Variants in FBN2 observed in about 807,000 individuals in gnomAD.
FBN2 encodes the protein fibrillin-2.
Under a neutral mutation model 355.6 loss-of-function variants are expected in FBN2, and 105 were observed. That is an observed-to-expected ratio of 0.30 (90% CI 0.25 to 0.35). FBN2 has a LOEUF of 0.35. FBN2 is among the 10% of genes least tolerant of loss of function. The pLI is 1.00. For missense variants in FBN2, 3,280 were observed against 3,758.7 expected (o/e 0.87, Z 3.33); for synonymous variants, 1,350 against 1,301.2 (o/e 1.04, Z -0.81).
chr5:128,299,501 C>G (rs918718845), intron 48 of FBN2, among the ~76,000 whole-genome samples: 2 of 151,382 alleles, frequency 1.3e-5, no homozygotes, highest in African/African-American at 4.9e-5. Context: ...CCCTCCGAGC[C>G]ATGTGCGGGA....
At chr5:128,295,097 T>A (rs1186766538) in intron 48 of FBN2, among the ~76,000 whole-genome samples, 6 of 149,732 alleles carry the variant, frequency 4.0e-5, no homozygotes, top group African/African-American at 9.8e-5. Context: ...TAGGGAATCC[T>A]TTCCCCATTG....
chr5:128,433,449 CAG>C (rs1044440815), intron 7 of FBN2, among the ~76,000 whole-genome samples: 6 of 152,088 alleles, frequency 3.9e-5, no homozygotes, highest in Admixed American at 2.0e-4. Context: ...ATCCTTAAAA[CAG>C]GTAAGAACAA....
intron 32 of FBN2, 43 bp from the exon 33 acceptor site, chr5:128,330,738 T>C: frequency 6.2e-7 from 1 of 1,607,140 alleles, no homozygotes; most frequent in Non-Finnish European, 8.5e-7. Context: ...AAATGGAACA[T>C]TTAAGCACCT....
chr5:128,381,971 T>C (rs1157522100), intron 11 of FBN2, among the ~76,000 whole-genome samples: 1 of 152,076 alleles, frequency 6.6e-6, no homozygotes, highest in African/African-American at 2.4e-5. Context: ...TCTTTTATAA[T>C]CATAGTGGAC....
intron 54 of FBN2, among the ~76,000 whole-genome samples, 188 bp downstream of exon 54, chr5:128,287,120 G>A (rs769339079): frequency 4.6e-5 from 7 of 152,166 alleles, no homozygotes; most frequent in Middle Eastern, 3.4e-3. Context: ...ATCTTATCTC[G>A]GACTTGATTT....
At chr5:128,370,126 C>G (rs1751892518) in intron 15 of FBN2, among the ~76,000 whole-genome samples, 2 of 152,038 alleles carry the variant, frequency 1.3e-5, no homozygotes, top group Non-Finnish European at 2.9e-5. Context: ...TAATGCTATA[C>G]CCCAAAGAAG....
chr5:128,537,210 TG>T lies in FBN2; in HGVS notation c.254+139del, dbSNP rs1581379904. 14 of 1,410,742 alleles carry T rather than the reference TG, an allele frequency of 9.9e-6. No homozygotes were observed. In the East Asian group the frequency reaches 3.5e-4, roughly 35 times the overall value. The allele number at this position is 1,410,742 out of a possible 1,614,324, so 87.4% of individuals were successfully genotyped here. Reference sequence around the variant, plus strand: ...AGGGGGACGCGCTCCTGGGGGTCTTTGGATATTCTGGCAAAGGGGGCTGCAG... The same window carrying T: ...AGGGGGACGCGCTCCTGGGGGTCTTTGATATTCTGGCAAAGGGGGCTGCAG... On this transcript the variant is annotated intron_variant, in intron 1 of 64. Transcript: ENST00000262464.
chr5:128,335,265 A>G lies in FBN2; in HGVS notation c.3878T>C (p.Ile1293Thr), dbSNP rs1750804361. The G allele has an allele frequency of 1.2e-6, 2 of 1,614,148 alleles. No homozygotes were observed. Among genetic ancestry groups the G allele is most frequent in the East Asian group, 2.2e-5 (1 of 44,878 alleles). The stretch of plus-strand genomic sequence containing the variant: ...GTTGGTACACTGGCCGCCATCACAG[A>G]TATCAGGATTGTTTTCACATTCATC... ...DIDECENNPD[I>T]CDGGQCTNIP... The change falls in exon 30 of 65, where the codon ATC becomes ACC. Residue 1293 changes from isoleucine (I) to threonine (T), a missense_variant. This residue lies in a region of FBN2 where 2,284 missense variants were observed against 2,749.5 expected (regional missense o/e 0.83). Coordinates refer to ENST00000262464, the MANE Select transcript of FBN2 (RefSeq NM_001999.4).
At chr5:128,494,243 G>A (rs1296409632) in intron 5 of FBN2, among the ~76,000 whole-genome samples, 2 of 152,118 alleles carry the variant, frequency 1.3e-5, no homozygotes, top group East Asian at 3.9e-4. Flanking sequence ...CCCATAAGAA[G>A]AAAGACCTCT....
chr5:128,297,257 G>A (rs374364799), intron 48 of FBN2, among the ~76,000 whole-genome samples: 1 of 152,090 alleles, frequency 6.6e-6, no homozygotes, highest in Admixed American at 6.6e-5. Context: ...TTACTTCCAA[G>A]TATGTGGTCA....
intron 5 of FBN2, 48 bp downstream of exon 5, chr5:128,519,225 C>A (rs780084736): frequency 6.1e-6 from 8 of 1,308,918 alleles, no homozygotes; most frequent in Non-Finnish European, 8.8e-6. Flanking sequence ...TACATTTTTA[C>A]AATAAAATAG....
rs140631421 is a variant in FBN2 at position 128,261,847 on chromosome 5, G to A, written c.8253C>T (p.Val2751=). 5.3e-5 allele frequency: 85 copies of A among 1,613,776 alleles called. No homozygotes were observed. Among genetic ancestry groups the A allele is most frequent in the Non-Finnish European group, 6.7e-5 (79 of 1,179,800 alleles). The change falls in exon 64 of 65, where the codon GTC becomes GTT. Residue 2751 remains valine (V), a synonymous_variant. Coordinates refer to ENST00000262464, the MANE Select transcript of FBN2 (RefSeq NM_001999.4). ...KGQYLSLDTE[V]DEENALSPEA... ...CTGGGGACAGAGCATTTTCCTCATC[G>A]ACCTCTGTATCCAGTGACAGGTACT...
intron 40 of FBN2, 85 bp from the exon 41 acceptor site, chr5:128,309,484 T>C (rs1749974268): frequency 1.7e-6 from 2 of 1,168,870 alleles, no homozygotes; most frequent in Admixed American, 1.8e-5. Context: ...ACATCAAGCT[T>C]TCCTGATGAA....
At chr5:128,322,545 C>A (rs929932370) in intron 34 of FBN2, among the ~76,000 whole-genome samples, 2 of 152,088 alleles carry the variant, frequency 1.3e-5, no homozygotes, top group Non-Finnish European at 2.9e-5. Flanking sequence ...ATAGGGAATC[C>A]TCTCCCCATT....
intron 6 of FBN2, among the ~76,000 whole-genome samples, chr5:128,458,945 G>T (rs1754481940): frequency 6.6e-6 from 1 of 151,414 alleles, no homozygotes; most frequent in African/African-American, 2.4e-5. Flanking sequence ...AAATACCTAA[G>T]ATCAGAGAAG....
intron 11 of FBN2, among the ~76,000 whole-genome samples, chr5:128,388,035 G>C (rs1752413035): frequency 6.6e-6 from 1 of 152,182 alleles, no homozygotes; most frequent in Admixed American, 6.5e-5. Flanking sequence ...CCAGTGTTGG[G>C]TGCATGTATG....
At chr5:128,348,372 T>C (rs976280654) in intron 23 of FBN2, among the ~76,000 whole-genome samples, 2 of 152,160 alleles carry the variant, frequency 1.3e-5, no homozygotes, top group African/African-American at 4.8e-5. Context: ...TCTTTATTTT[T>C]GTACTTTGGA....
chr5:128,491,894 T>C (rs1382195824), intron 5 of FBN2, among the ~76,000 whole-genome samples: 1 of 152,222 alleles, frequency 6.6e-6, no homozygotes, highest in Non-Finnish European at 1.5e-5. Flanking sequence ...TTTGAGCTAT[T>C]CTCTCTTTTT....
intron 7 of FBN2, among the ~76,000 whole-genome samples, chr5:128,433,361 C>T (rs777299467): frequency 5.3e-5 from 8 of 152,108 alleles, no homozygotes; most frequent in East Asian, 3.9e-4. Flanking sequence ...ATAATTTTTA[C>T]GATCCTCTCT....
Sources: allele counts gnomAD v4.1 joint callset (sites outside exome capture counted in the v4.1 genomes callset), GRCh38; gene constraint gnomAD v4.1.1; regional missense constraint gnomAD v4.1.1; transcripts MANE v1.5; gene names NCBI Gene and HGNC (gene_info 2026-07-23, HGNC 2026-07-21).